The following TENM3 variants were observed in gnomAD, a reference collection of about 807,000 sequenced individuals.
The protein encoded by TENM3 is teneurin-3.
TENM3 carries 63 observed loss-of-function variants against 255.1 expected under a neutral mutation model. That is an observed-to-expected ratio of 0.25 (90% CI 0.20 to 0.30). TENM3 has a LOEUF of 0.30. Among genes scored for constraint, TENM3 ranks in the 10% least tolerant of loss-of-function variants. TENM3 has a pLI of 1.00. For missense variants in TENM3, 2,929 were observed against 3,461.1 expected, an observed-to-expected ratio of 0.85 and a Z score of 3.86; for synonymous variants, 1,306 against 1,322.3, an observed-to-expected ratio of 0.99 and a Z score of 0.27.
rs558777687 is a variant in TENM3, at chr4:182,570,532, G to A, written c.512-30392G>A. On this transcript the variant is annotated intron_variant, in intron 3 of 27. Coordinates refer to ENST00000511685, the MANE Select transcript of TENM3 (RefSeq NM_001080477.4). ...AACTAGGATTCAAACCCACACCAGT[G>A]GCGGTAGTAAATGCCTTTAAAACTT... Among the ~76,000 whole-genome samples the A allele has an allele frequency of 3.7e-4, 57 of 152,286 alleles. 1 individual carries two copies. The highest frequency in any genetic ancestry group is 7.7e-4 in the East Asian group (4 of 5,168).
At chr4:181,537,384 G>T in the TENM3 span, among the ~76,000 whole-genome samples, 1 of 152,090 alleles carries the variant, frequency 6.6e-6, no homozygotes, top group Admixed American at 6.5e-5. Flanking sequence ...GAGGCTAGCA[G>T]GGACGAAATT....
At position 182,755,152 on chromosome 4, in the gene TENM3, G is replaced by A. The variant is rs1762634933; in HGVS notation, c.4785G>A (p.Leu1595=). Residue 1595 remains leucine, a synonymous_variant, in exon 22 of 28, where the codon TTG becomes TTA. Coordinates refer to ENST00000511685, the MANE Select transcript of TENM3 (RefSeq NM_001080477.4). ...IWLTIGTNGC[L]KSMTAQGLEL... ...TGACAATAGGAACAAATGGATGTTT[G>A]AAAAGCATGACTGCTCAAGGACTGG... 6.2e-7 allele frequency: 1 copy of A among 1,613,978 alleles called. No individual in the cohort carries two copies.
the TENM3 span, among the ~76,000 whole-genome samples, chr4:181,934,048 C>CTGTGTGTGTGTG: frequency 1.2e-4 from 17 of 147,394 alleles, no homozygotes; most frequent in African/African-American, 4.2e-4. Flanking sequence ...ATTCCCCTTT[C>CTGTGTGTGTGTG]TGTGTGTGTG....
intron 1 of TENM3, among the ~76,000 whole-genome samples, chr4:182,210,848 C>A (rs74982351): frequency 2.7e-4 from 41 of 152,208 alleles, no homozygotes; most frequent in Non-Finnish European, 3.8e-4. Flanking sequence ...GTCTAGGTAC[C>A]CTCTCTCCGT....
chr4:182,561,150 A>T (rs1743127529), intron 3 of TENM3, among the ~76,000 whole-genome samples: 1 of 152,196 alleles, frequency 6.6e-6, no homozygotes, highest in Non-Finnish European at 1.5e-5. Context: ...TAATTGAAAA[A>T]AAGACAAACT....
At chr4:181,779,717 C>T in the TENM3 span, among the ~76,000 whole-genome samples, 1 of 151,996 alleles carries the variant, frequency 6.6e-6, no homozygotes, top group Non-Finnish European at 1.5e-5. Flanking sequence ...ATACGTGTGC[C>T]ATGTTGGTGT....
chr4:181,735,090 A>T, the TENM3 span, among the ~76,000 whole-genome samples: 5 of 152,064 alleles, frequency 3.3e-5, no homozygotes, highest in African/African-American at 1.2e-4. Context: ...TGTAAAAAAT[A>T]TATATTATTT....
chr4:181,837,197 A>G, the TENM3 span, among the ~76,000 whole-genome samples: 99 of 152,112 alleles, frequency 6.5e-4, no homozygotes, highest in African/African-American at 2.2e-3. Flanking sequence ...TTCCTCCCCA[A>G]TTTTTAAACT....
chr4:182,605,895 G>A (rs947369857), intron 4 of TENM3, among the ~76,000 whole-genome samples: 1 of 152,212 alleles, frequency 6.6e-6, no homozygotes, highest in East Asian at 1.9e-4. Context: ...ACTGATAGCT[G>A]TACCAGGCAA....
At chr4:181,970,126 T>C in the TENM3 span, among the ~76,000 whole-genome samples, 1 of 152,256 alleles carries the variant, frequency 6.6e-6, no homozygotes, top group East Asian at 1.9e-4. Context: ...TTGTTTATTG[T>C]AAAAGCTAAA....
At chr4:181,741,028 C>T in the TENM3 span, among the ~76,000 whole-genome samples, 2 of 151,866 alleles carry the variant, frequency 1.3e-5, no homozygotes, top group East Asian at 3.9e-4. Context: ...CTGATGATCT[C>T]GTAAAAAAAT....
At chr4:182,147,369 T>C (rs1750042554) in intron 1 of TENM3, among the ~76,000 whole-genome samples, 1 of 152,216 alleles carries the variant, frequency 6.6e-6, no homozygotes, top group Non-Finnish European at 1.5e-5. Context: ...CAGAGCATGG[T>C]CATTGTCTGA....
intron 3 of TENM3, among the ~76,000 whole-genome samples, chr4:182,500,567 T>A (rs1736211134): frequency 1.3e-5 from 2 of 152,166 alleles, no homozygotes; most frequent in African/African-American, 4.8e-5. Flanking sequence ...ATGTTTAAAA[T>A]TTTTTAAAGC....
At chr4:181,859,699 C>A in the TENM3 span, among the ~76,000 whole-genome samples, 1 of 152,168 alleles carries the variant, frequency 6.6e-6, no homozygotes, top group Non-Finnish European at 1.5e-5. Flanking sequence ...CATGTCTTTG[C>A]AGTGTATTTT....
intron 12 of TENM3, among the ~76,000 whole-genome samples, chr4:182,698,491 G>A (rs1349702059): frequency 1.3e-5 from 2 of 152,172 alleles, no homozygotes; most frequent in Non-Finnish European, 2.9e-5. Context: ...AAAAAAGTAG[G>A]TGAGACTCCT....
chr4:181,899,400 A>G, the TENM3 span, among the ~76,000 whole-genome samples: 1 of 152,186 alleles, frequency 6.6e-6, no homozygotes, highest in Admixed American at 6.5e-5. Context: ...AAGAACTACA[A>G]GAACTAGAGA....
intron 4 of TENM3, among the ~76,000 whole-genome samples, chr4:182,617,090 A>C (rs1749614550): frequency 6.6e-6 from 1 of 152,236 alleles, no homozygotes; most frequent in African/African-American, 2.4e-5. Context: ...GATTATGATA[A>C]AAACAGATTT....
intron 4 of TENM3, among the ~76,000 whole-genome samples, chr4:182,614,769 A>G (rs867647916): frequency 5.9e-5 from 9 of 152,176 alleles, no homozygotes; most frequent in South Asian, 4.1e-4. Flanking sequence ...TTGAAAGAAA[A>G]CACTTTCTCT....
chr4:182,435,194 G>C (rs1331607965), intron 3 of TENM3, among the ~76,000 whole-genome samples: 3 of 152,156 alleles, frequency 2.0e-5, no homozygotes, highest in Non-Finnish European at 4.4e-5. Flanking sequence ...CGGTTTTATG[G>C]AAGTTACGGT....
Sources: allele counts gnomAD v4.1 joint callset (sites outside exome capture counted in the v4.1 genomes callset), GRCh38; gene constraint gnomAD v4.1.1; transcripts MANE v1.5; gene names NCBI Gene and HGNC (gene_info 2026-07-23, HGNC 2026-07-21).